The following MED15 variants were observed in gnomAD, a reference collection of about 807,000 sequenced individuals.
MED15 encodes mediator of RNA polymerase II transcription subunit 15.
Under a neutral mutation model 118.7 loss-of-function variants are expected in MED15, and 41 were observed. The observed-to-expected ratio is 0.35, with a 90% confidence interval of 0.27 to 0.45. The LOEUF is 0.45. MED15 is among the 20% of genes least tolerant of loss of function. The pLI, the probability that MED15 is intolerant of heterozygous loss-of-function variation, is 1.00. For synonymous variants in MED15, 436 were observed against 413.9 expected, an observed-to-expected ratio of 1.05 and a Z score of -0.65; for missense variants, 740 against 1,025.5, an observed-to-expected ratio of 0.72 and a Z score of 3.80.
At chr22:20,557,245 A>G (rs1030112649) in intron 5 of MED15, among the ~76,000 whole-genome samples, 1 of 151,874 alleles carries the variant, frequency 6.6e-6, no homozygotes, top group African/African-American at 2.4e-5. Context: ...CCCCATCCTC[A>G]CACTCCTACC....
In MED15 at chr22:20,524,724, C is replaced by T. The variant is rs369471767; in HGVS notation, c.69-12393C>T. Among the ~76,000 whole-genome samples the T allele has an allele frequency of 1.8e-4, 28 of 152,290 alleles. No individual in the cohort carries two copies. The South Asian group carries it at 5.4e-3, about 29-fold the overall frequency. ...GCAACCTCCGCCTCCCGGGTTCAGG[C>T]GATTCTCCTGCCTCAGCTTTTGGAG... On this transcript the variant is annotated intron_variant, in intron 1 of 17. Coordinates refer to ENST00000263205, the MANE Select transcript of MED15 (RefSeq NM_001003891.3).
Position 20,528,353 on chromosome 22 carries a change from C to T in MED15, c.69-8764C>T, listed in dbSNP as rs576833148. 5.4e-4 allele frequency among the ~76,000 whole-genome samples: 82 copies of T among 152,248 alleles called. 1 individual carries two copies. In the South Asian group the frequency reaches 8.7e-3, roughly 16 times the overall value. Reference sequence around the variant, plus strand: ...CACAGAAGACAATTTTTCTACAGACCGGCAGATGAGGATGGTTTCAGGATG... The same window carrying T: ...CACAGAAGACAATTTTTCTACAGACTGGCAGATGAGGATGGTTTCAGGATG... On this transcript the variant is annotated intron_variant, in intron 1 of 17. Transcript: ENST00000263205.
At chr22:20,551,528 TGA>T (rs1279570772) in intron 3 of MED15, 41 bp downstream of exon 3, 6 of 1,585,086 alleles carry the variant, frequency 3.8e-6, no homozygotes, top group Non-Finnish European at 5.2e-6. Context: ...GAGATCTCTG[TGA>T]GAGGCCAGCC....
At chr22:20,567,481 G>A (rs1287970246) in intron 7 of MED15, among the ~76,000 whole-genome samples, 2 of 152,096 alleles carry the variant, frequency 1.3e-5, no homozygotes, top group Non-Finnish European at 1.5e-5. Flanking sequence ...TGAGTGGAAT[G>A]GGGCCTGAGG....
chr22:20,533,903 T>A (rs1359537503), intron 1 of MED15, among the ~76,000 whole-genome samples: 1 of 152,198 alleles, frequency 6.6e-6, no homozygotes, highest in Non-Finnish European at 1.5e-5. Context: ...CACTAAGCTG[T>A]GTTTCTAGAT....
At chr22:20,538,267 T>C (rs1373279293) in intron 2 of MED15, among the ~76,000 whole-genome samples, 1 of 152,110 alleles carries the variant, frequency 6.6e-6, no homozygotes, top group Non-Finnish European at 1.5e-5. Flanking sequence ...ACTTTTTTTT[T>C]TGAGACAGGG....
intron 1 of MED15, among the ~76,000 whole-genome samples, chr22:20,521,550 AT>A (rs557681487): frequency 0.065 from 8,434 of 130,556 alleles, 537 homozygotes; most frequent in East Asian, 0.38. Flanking sequence ...CACCCGGCTA[AT>A]TTTTTTTTTT....
rs764711429 is a variant in MED15, at chr22:20,566,715, C to T, written c.939C>T (p.Asn313=). ...CCCAGCAGCCTCCAGTTGCTCAGAA[C>T]CAACCATCACAACTCCCGCCACAGT... The part of the protein sequence containing the change: ...PQPQQPPVAQ[N]QPSQLPPQSQ... Residue 313 remains asparagine, a synonymous_variant, in exon 7 of 18, where the codon AAC becomes AAT. Transcript: ENST00000263205. 2 of 1,614,176 alleles carry T rather than the reference C, an allele frequency of 1.2e-6. No homozygotes were observed. The highest frequency in any genetic ancestry group is 3.3e-5 in the Admixed American group (2 of 60,016).
chr22:20,551,056 C>T (rs1290802838), intron 2 of MED15: 5 of 489,478 alleles, frequency 1.0e-5, no homozygotes, highest in East Asian at 6.0e-5. Context: ...GGCCCACCCA[C>T]GGCTGCCTCT....
At chr22:20,520,964 T>C (rs1459668866) in intron 1 of MED15, among the ~76,000 whole-genome samples, 2 of 151,810 alleles carry the variant, frequency 1.3e-5, no homozygotes, top group Non-Finnish European at 2.9e-5. Flanking sequence ...GGTCTCGAAC[T>C]CCTGGGCTCA....
intron 4 of MED15, among the ~76,000 whole-genome samples, chr22:20,553,746 T>C (rs1345270293): frequency 1.3e-5 from 2 of 152,012 alleles, no homozygotes; most frequent in Non-Finnish European, 2.9e-5. Context: ...GTGGCATGCG[T>C]TGTAGTCCCA....
At chr22:20,578,167 C>T (rs533423369) in intron 9 of MED15, among the ~76,000 whole-genome samples, 13 of 152,262 alleles carry the variant, frequency 8.5e-5, no homozygotes, top group Admixed American at 3.3e-4. Context: ...TTAGGTGATC[C>T]GCCCGCCTCG....
intron 1 of MED15, among the ~76,000 whole-genome samples, chr22:20,529,377 A>G (rs1002626294): frequency 5.3e-5 from 8 of 151,978 alleles, no homozygotes; most frequent in African/African-American, 1.9e-4. Flanking sequence ...CTTCCCAAGT[A>G]GCTGGGATTA....
At chr22:20,562,842 A>G (rs1489891742) in intron 5 of MED15, among the ~76,000 whole-genome samples, 2 of 152,120 alleles carry the variant, frequency 1.3e-5, no homozygotes, top group Non-Finnish European at 1.5e-5. Flanking sequence ...GTTTGAGATC[A>G]GCCTGGGCAA....
At chr22:20,560,506 G>A (rs921024286) in intron 5 of MED15, among the ~76,000 whole-genome samples, 1 of 152,194 alleles carries the variant, frequency 6.6e-6, no homozygotes, top group Middle Eastern at 3.4e-3. Flanking sequence ...CTTGTGATCT[G>A]CCCTCCTTGG....
In MED15 at chr22:20,564,429, GC is replaced by G. The variant is rs762663264; in HGVS notation, c.452-20del. ...GGGAATCTGCCCTGTGGACTGACTG[GC>G]GACTCTGGTCTTTTCTCAGCCCAGC... On this transcript the variant is annotated intron_variant, in intron 5 of 17. Transcript: ENST00000263205. The G allele has an allele frequency of 3.1e-6, 5 of 1,613,146 alleles. No individual in the cohort carries two copies. The highest frequency in any genetic ancestry group is 1.7e-5 in the Admixed American group (1 of 60,000).
At chr22:20,558,680 C>T (rs1039322512) in intron 5 of MED15, among the ~76,000 whole-genome samples, 1 of 152,104 alleles carries the variant, frequency 6.6e-6, no homozygotes, top group Non-Finnish European at 1.5e-5. Context: ...CCTCCTGAGC[C>T]TCAGCTGCTG....
intron 3 of MED15, chr22:20,552,632 A>G: frequency 2.7e-6 from 1 of 370,844 alleles, no homozygotes. Flanking sequence ...TGACTGCTAC[A>G]GAAGTTCTCC....
chr22:20,584,147 G>A, intron 13 of MED15: 2 of 595,700 alleles, frequency 3.4e-6, no homozygotes, highest in East Asian at 2.8e-5. Context: ...CCCTTCTCTT[G>A]ACCCATCACC....
Sources: allele counts gnomAD v4.1 joint callset (sites outside exome capture counted in the v4.1 genomes callset), GRCh38; gene constraint gnomAD v4.1.1; transcripts MANE v1.5; gene names NCBI Gene and HGNC (gene_info 2026-07-23, HGNC 2026-07-21).